The following TEK variants were observed in gnomAD, a reference collection of about 807,000 sequenced individuals.
TEK encodes TEK receptor tyrosine kinase, also known as angiopoietin-1 receptor.
In TEK, 43 loss-of-function variants were observed where a neutral mutation model predicts 131.8. The ratio of observed to expected loss-of-function variants is 0.33; its 90% CI spans 0.26 to 0.42. The LOEUF is 0.42. Ranked by LOEUF, TEK falls within the 10% of genes least tolerant of loss-of-function variation. The probability of loss-of-function intolerance (pLI) is 1.00; values close to 1 mark genes in which losing one functional copy is unlikely to be tolerated. For synonymous variants in TEK, 580 were observed against 491.6 expected (o/e 1.18, Z -2.38); for missense variants, 1,162 against 1,384.4 (o/e 0.84, Z 2.55).
intron 1 of TEK, 73 bp downstream of exon 1, chr9:27,109,715 C>CA: frequency 6.8e-7 from 1 of 1,468,776 alleles, no homozygotes. Flanking sequence ...GTGCTCTCCC[C>CA]AAATCTCATC....
At chr9:27,223,897 C>A in intron 21 of TEK, among the ~76,000 whole-genome samples, 1 of 152,084 alleles carries the variant, frequency 6.6e-6, no homozygotes, top group East Asian at 1.9e-4. Context: ...AGAGAACAAT[C>A]AAATAGATGC....
intron 7 of TEK, among the ~76,000 whole-genome samples, chr9:27,182,970 T>C (rs1183251996): frequency 1.3e-5 from 2 of 152,232 alleles, no homozygotes; most frequent in African/African-American, 4.8e-5. Flanking sequence ...GACTTCCCAA[T>C]GAATGAGACA....
chr9:27,174,196 G>A (rs1316019791), intron 6 of TEK, among the ~76,000 whole-genome samples: 1 of 152,138 alleles, frequency 6.6e-6, no homozygotes, highest in Non-Finnish European at 1.5e-5. Flanking sequence ...AAATGTGACA[G>A]AACCTCCCTA....
chr9:27,150,462 G>A (rs2131103308), intron 1 of TEK, among the ~76,000 whole-genome samples: 1 of 152,208 alleles, frequency 6.6e-6, no homozygotes, highest in East Asian at 1.9e-4. Context: ...TTAAAGATTA[G>A]CTGGGGGGAG....
intron 22 of TEK, among the ~76,000 whole-genome samples, chr9:27,228,653 A>G (rs1366304691): frequency 3.9e-5 from 6 of 152,190 alleles, no homozygotes; most frequent in Non-Finnish European, 7.4e-5. Flanking sequence ...CAAGTAGACA[A>G]CAGAGCCTGA....
chr9:27,201,223 C>G (rs1351692681), intron 12 of TEK, among the ~76,000 whole-genome samples: 1 of 133,464 alleles, frequency 7.5e-6, no homozygotes, highest in Non-Finnish European at 1.7e-5. Context: ...CTAAGAATGA[C>G]TCCTTTCAGG....
chr9:27,199,065 G>A (rs7027553), intron 12 of TEK, among the ~76,000 whole-genome samples: 37,879 of 152,124 alleles, frequency 0.25, 4,897 homozygotes, highest in Admixed American at 0.33. Flanking sequence ...CTCCCAAAGT[G>A]CTGGAATTAC....
chr9:27,168,590 G>A lies in TEK; in HGVS notation c.460G>A (p.Val154Met). 1.9e-6 allele frequency: 3 copies of A among 1,611,394 alleles called. No homozygotes were observed. Among genetic ancestry groups the A allele is most frequent in the Middle Eastern group, 1.7e-4 (1 of 6,048 alleles). The change falls in exon 3 of 23, where the codon GTG becomes ATG. Residue 154 changes from valine (V) to methionine (M), a missense_variant. Val to Met is a conservative substitution (Grantham distance 21). Around this residue, in one of 6 missense-constraint regions of TEK, gnomAD observed 436 missense variants for 539.1 expected, o/e 0.81. Coordinates refer to ENST00000380036, the MANE Select transcript of TEK (RefSeq NM_000459.5). ...GGTATTGATTAAAGAAGAAGATGCA[G>A]TGATTTACAAAAATGGTGAGTATGT... ...KKVLIKEEDA[V>M]IYKNGSFIHS...
intron 2 of TEK, among the ~76,000 whole-genome samples, chr9:27,160,457 T>A (rs1823508365): frequency 6.6e-6 from 1 of 152,188 alleles, no homozygotes; most frequent in African/African-American, 2.4e-5. Context: ...TGCTTACAGA[T>A]CACCTGTAGT....
chr9:27,150,039 G>A (rs1027608420), intron 1 of TEK, among the ~76,000 whole-genome samples: 3 of 152,230 alleles, frequency 2.0e-5, no homozygotes, highest in East Asian at 1.9e-4. Flanking sequence ...TCTCTGTCCT[G>A]TACCCTTTCT....
intron 1 of TEK, among the ~76,000 whole-genome samples, chr9:27,130,625 AC>A (rs1822173076): frequency 7.4e-6 from 1 of 135,420 alleles, no homozygotes; most frequent in Non-Finnish European, 1.6e-5. Flanking sequence ...AGATTAAAGT[AC>A]TTTTTTTTTT....
At chr9:27,171,482 T>A (rs1823954804) in intron 4 of TEK, among the ~76,000 whole-genome samples, 1 of 152,198 alleles carries the variant, frequency 6.6e-6, no homozygotes, top group Non-Finnish European at 1.5e-5. Flanking sequence ...ACGTGTATAA[T>A]TAGCTAAATA....
At chr9:27,147,185 A>G (rs1003488442) in intron 1 of TEK, among the ~76,000 whole-genome samples, 3 of 152,142 alleles carry the variant, frequency 2.0e-5, no homozygotes, top group Non-Finnish European at 4.4e-5. Flanking sequence ...ACTTCCATCA[A>G]TGGATGAGAA....
intron 21 of TEK, among the ~76,000 whole-genome samples, chr9:27,222,051 T>G (rs1028765313): frequency 2.0e-5 from 3 of 152,110 alleles, no homozygotes; most frequent in Non-Finnish European, 4.4e-5. Flanking sequence ...GTAAATGACC[T>G]GATGGAGCTA....
rs537211203 is a variant in TEK, at chr9:27,190,420, T to C, written c.1328-109T>C. The C allele has an allele frequency of 4.6e-5, 65 of 1,399,178 alleles. 2 individuals carry two copies. In the South Asian group the frequency reaches 8.1e-4, roughly 17 times the overall value. The allele number at this position is 1,399,178 out of a possible 1,614,324, so 86.7% of individuals were successfully genotyped here. On this transcript the variant is annotated intron_variant, in intron 9 of 22. Transcript: ENST00000380036. ...ATCTCACTGAGTCTGAGCAGAAAACTTTAAGAGGACTTTGTTGGACATGTA... is the reference window on the plus strand; with the variant it reads ...ATCTCACTGAGTCTGAGCAGAAAACCTTAAGAGGACTTTGTTGGACATGTA...
At chr9:27,130,548 A>T (rs941621854) in intron 1 of TEK, among the ~76,000 whole-genome samples, 3 of 152,158 alleles carry the variant, frequency 2.0e-5, no homozygotes, top group Non-Finnish European at 4.4e-5. Context: ...TTAAAGTGTC[A>T]ATTCAAGAAT....
rs1257438404 is a variant in TEK, at chr9:27,180,448, C to T, written c.1030+80C>T. On this transcript the variant is annotated intron_variant, in intron 7 of 22. Coordinates refer to ENST00000380036, the MANE Select transcript of TEK (RefSeq NM_000459.5). Reference sequence around the variant, plus strand: ...TTTGGTAGTGTAATTCTTGTGCCGGCATTCTAAGATCCTCAAGCCTCTTTT... The same window carrying T: ...TTTGGTAGTGTAATTCTTGTGCCGGTATTCTAAGATCCTCAAGCCTCTTTT... The T allele has an allele frequency of 3.2e-6, 5 of 1,546,440 alleles. No individual in the cohort carries two copies. The African/African-American group carries it at 4.1e-5, about 13-fold the overall frequency.
At chr9:27,212,002 A>AG (rs1825650816) in intron 16 of TEK, among the ~76,000 whole-genome samples, 1 of 151,620 alleles carries the variant, frequency 6.6e-6, no homozygotes, top group African/African-American at 2.4e-5. Context: ...TTAAAAAAAA[A>AG]AAGAGAGAGA....
At chr9:27,166,226 A>G (rs888892821) in intron 2 of TEK, among the ~76,000 whole-genome samples, 2 of 152,236 alleles carry the variant, frequency 1.3e-5, no homozygotes, top group Non-Finnish European at 2.9e-5. Context: ...GAATTTTGTT[A>G]TTAACAGAGA....
Sources: gnomAD v4.1 joint callset for allele counts (sites outside exome capture counted in the v4.1 genomes callset) on GRCh38, gnomAD v4.1.1 for gene constraint, gnomAD v4.1.1 regional missense constraint, MANE v1.5 for transcripts, NCBI Gene and HGNC (gene_info 2026-07-23, HGNC 2026-07-21) for gene names.